The following CEP20 variants were observed in gnomAD, a reference collection of about 807,000 sequenced individuals.
The protein encoded by CEP20 is FGFR1OP N-terminal like.
Under a neutral mutation model 20.0 loss-of-function variants are expected in CEP20, and 18 were observed. The ratio of observed to expected loss-of-function variants is 0.90; its 90% CI spans 0.62 to 1.34. The LOEUF is 1.34. CEP20 is among the 40% of genes most tolerant of loss of function. The pLI is 0.00. For missense variants in CEP20, 215 were observed against 201.6 expected, an observed-to-expected ratio of 1.07 and a Z score of -0.40; for synonymous variants, 77 against 73.7, an observed-to-expected ratio of 1.04 and a Z score of -0.23.
intron 2 of CEP20, among the ~76,000 whole-genome samples, chr16:15,880,341 C>T (rs920926687): frequency 1.3e-5 from 2 of 152,152 alleles, no homozygotes; most frequent in Non-Finnish European, 2.9e-5. Flanking sequence ...GAGCAGTTTT[C>T]TTATAAAGGT....
intron 4 of CEP20, among the ~76,000 whole-genome samples, chr16:15,870,188 G>A (rs1379950799): frequency 6.6e-6 from 1 of 150,858 alleles, no homozygotes; most frequent in Non-Finnish European, 1.5e-5. Context: ...TACTAGTCAT[G>A]AGCCGTGAGT....
chr16:15,874,736 C>T (rs925479320), intron 3 of CEP20, among the ~76,000 whole-genome samples: 9 of 152,170 alleles, frequency 5.9e-5, no homozygotes, highest in African/African-American at 1.9e-4. Flanking sequence ...GTTTACAGTA[C>T]GACGCTCCCT....
chr16:15,873,664 A>G (rs1739908089), intron 3 of CEP20, 37 bp from the exon 4 acceptor site: 1 of 1,583,036 alleles, frequency 6.3e-7, no homozygotes, highest in South Asian at 1.2e-5. Context: ...ACCAAAAGCT[A>G]ATAAATCTGC....
At chr16:15,882,020 A>G (rs1372019711) in intron 2 of CEP20, among the ~76,000 whole-genome samples, 2 of 152,080 alleles carry the variant, frequency 1.3e-5, no homozygotes, top group East Asian at 1.9e-4. Flanking sequence ...TGTTTGGGTC[A>G]TGGGGGTGGA....
intron 1 of CEP20, 110 bp downstream of exon 1, chr16:15,888,448 C>CGCCT (rs1241795009): frequency 7.8e-6 from 11 of 1,412,134 alleles, no homozygotes; most frequent in Non-Finnish European, 1.1e-5. Context: ...CGAAGAATGA[C>CGCCT]GCCTGTAAAA....
chr16:15,867,860 C>G (rs1280833521), intron 4 of CEP20, among the ~76,000 whole-genome samples: 1 of 151,384 alleles, frequency 6.6e-6, no homozygotes, highest in Non-Finnish European at 1.5e-5. Flanking sequence ...GTAATCCCAG[C>G]TACTCGGGAG....
Position 15,874,158 on chromosome 16 carries a change from G to A in CEP20, c.312-531C>T, listed in dbSNP as rs118069685. Among the ~76,000 whole-genome samples, 17 of 152,224 alleles carry A rather than the reference G, an allele frequency of 1.1e-4. No individual in the cohort carries two copies. In the East Asian group the frequency reaches 1.9e-3, roughly 17 times the overall value. On this transcript the variant is annotated intron_variant, in intron 3 of 4. Coordinates refer to ENST00000255759, the MANE Select transcript of CEP20 (RefSeq NM_144600.4). ...TCCTTTATAAATTAGGATAAGCACC[G>A]TCCCTCCCTTATAGGGCTGTTATGC...
chr16:15,875,255 GTC>G (rs2044916020), intron 3 of CEP20, among the ~76,000 whole-genome samples: 1 of 152,114 alleles, frequency 6.6e-6, no homozygotes, highest in African/African-American at 2.4e-5. Flanking sequence ...TATAAAACAG[GTC>G]TCTTTGTTTA....
chr16:15,868,239 A>C (rs1432179245), intron 4 of CEP20, among the ~76,000 whole-genome samples: 2 of 151,938 alleles, frequency 1.3e-5, no homozygotes, highest in Non-Finnish European at 2.9e-5. Context: ...TGAGGTCAGG[A>C]GATAGAGACC....
rs745663318 is a variant in CEP20, at chr16:15,879,892, G to C, written c.227-4C>G. On this transcript the variant is annotated splice_region_variant and splice_polypyrimidine_tract_variant and intron_variant, in intron 2 of 4. Coordinates refer to ENST00000255759, the MANE Select transcript of CEP20 (RefSeq NM_144600.4). ...GGAACTACAGGTTGACCAGATTCTG[G>C]GAGAAATAAATTCATGAGAACACTC... 1.1e-5 allele frequency: 18 copies of C among 1,571,328 alleles called. No individual in the cohort carries two copies. Among genetic ancestry groups the C allele is most frequent in the Non-Finnish European group, 1.5e-5 (18 of 1,163,960 alleles).
At chr16:15,879,115 T>C (rs2045035682) in intron 3 of CEP20, among the ~76,000 whole-genome samples, 1 of 152,058 alleles carries the variant, frequency 6.6e-6, no homozygotes, top group African/African-American at 2.4e-5. Flanking sequence ...ATCCTCCTTT[T>C]CAAGAGCATA....
intron 3 of CEP20, among the ~76,000 whole-genome samples, chr16:15,875,638 A>C (rs559663958): frequency 1.3e-5 from 2 of 152,312 alleles, no homozygotes; most frequent in African/African-American, 4.8e-5. Flanking sequence ...AAGTTTCAAA[A>C]AGATAAAGAA....
chr16:15,882,380 A>G (rs1344583116), intron 2 of CEP20, among the ~76,000 whole-genome samples: 1 of 150,634 alleles, frequency 6.6e-6, no homozygotes, highest in Non-Finnish European at 1.5e-5. Context: ...TCTACTAAAA[A>G]TACAAAAAAT....
chr16:15,886,091 A>G (rs974199336), intron 1 of CEP20: 1 of 152,232 alleles, frequency 6.6e-6, no homozygotes, highest in Non-Finnish European at 1.5e-5. Context: ...ATTGCTGTAC[A>G]CTACTGGGAA....
In CEP20 at chr16:15,873,542, G is replaced by C. The variant is rs1375349700; in HGVS notation, c.397C>G (p.Gln133Glu). ...CTGCCAAGACTTGGGTCTGAAGGCTGAAGTGAAGGCCCTTTCAGAAATGCA... is the reference window on the plus strand; with the variant it reads ...CTGCCAAGACTTGGGTCTGAAGGCTCAAGTGAAGGCCCTTTCAGAAATGCA... ...QNAFLKGPSL[Q>E]PSDPSLGRQP... Residue 133 changes from glutamine (Q) to glutamate (E), a missense_variant, in exon 4 of 5, where the codon CAG becomes GAG. Physicochemically the swap from Gln to Glu is conservative, Grantham distance 29 (BLOSUM62 2). Coordinates refer to ENST00000255759, the MANE Select transcript of CEP20 (RefSeq NM_144600.4). 1 of 1,614,108 alleles carries C rather than the reference G, an allele frequency of 6.2e-7. No individual in the cohort carries two copies. The highest frequency in any genetic ancestry group is 2.2e-5 in the East Asian group (1 of 44,872).
At chr16:15,885,070 C>T (rs2045207225) in intron 1 of CEP20, 1 of 151,950 alleles carries the variant, frequency 6.6e-6, no homozygotes, top group Non-Finnish European at 1.5e-5. Flanking sequence ...CTTTGGGAGG[C>T]TCAGGCGGGC....
At chr16:15,867,808 C>G (rs372288217) in intron 4 of CEP20, among the ~76,000 whole-genome samples, 8 of 151,434 alleles carry the variant, frequency 5.3e-5, no homozygotes, top group Non-Finnish European at 8.8e-5. Flanking sequence ...CCCCGTGTCT[C>G]CTCAAAATAC....
At position 15,884,169 on chromosome 16, in the gene CEP20, C is replaced by T; in HGVS notation, c.65G>A (p.Gly22Glu). The T allele has an allele frequency of 6.2e-7, 1 of 1,612,148 alleles. No homozygotes were observed. The highest frequency in any genetic ancestry group is 8.5e-7 in the Non-Finnish European group (1 of 1,178,496). Residue 22 changes from glycine (G) to glutamate (E), a missense_variant, in exon 2 of 5, where the codon GGG becomes GAG. Coordinates refer to ENST00000255759, the MANE Select transcript of CEP20 (RefSeq NM_144600.4). Reference protein sequence around the residue: ...KDTLEKKGVLGHLKARIRAEV... With the variant: ...KDTLEKKGVLEHLKARIRAEV... ...AGCTCGGATCCTTGCTTTTAAATGC[C>T]CTAATACCCCCTTTTTTTCCAAGGT...
At chr16:15,881,538 A>G (rs1413718321) in intron 2 of CEP20, among the ~76,000 whole-genome samples, 1 of 152,140 alleles carries the variant, frequency 6.6e-6, no homozygotes, top group Admixed American at 6.6e-5. Flanking sequence ...TGCAAAATCT[A>G]CTTCCTGGCC....
Sources: allele counts gnomAD v4.1 joint callset (sites outside exome capture counted in the v4.1 genomes callset), GRCh38; gene constraint gnomAD v4.1.1; transcripts MANE v1.5; gene names NCBI Gene and HGNC (gene_info 2026-07-23, HGNC 2026-07-21).